The following RTTN variants were observed in gnomAD, a reference collection of about 807,000 sequenced individuals.
The protein encoded by RTTN is rotatin.
A neutral mutation model predicts 269.2 loss-of-function variants in RTTN; 182 were observed. That is an observed-to-expected ratio of 0.68 (90% CI 0.60 to 0.76). RTTN has a LOEUF of 0.76. Ranked by LOEUF, RTTN falls within the 30% of genes least tolerant of loss-of-function variation. The pLI, the probability that RTTN is intolerant of heterozygous loss-of-function variation, is 0.00. For synonymous variants in RTTN, 1,006 were observed against 963.5 expected (o/e 1.04, Z -0.82); for missense variants, 2,545 against 2,608.6 (o/e 0.98, Z 0.53).
chr18:70,039,800 T>G (rs2057286771), intron 40 of RTTN, among the ~76,000 whole-genome samples: 1 of 152,070 alleles, frequency 6.6e-6, no homozygotes, highest in South Asian at 2.1e-4. Flanking sequence ...GAGAAACAAC[T>G]AAAAGTTAAA....
At chr18:70,055,131 A>T (rs568684318) in intron 37 of RTTN, among the ~76,000 whole-genome samples, 1 of 152,324 alleles carries the variant, frequency 6.6e-6, no homozygotes, top group Non-Finnish European at 1.5e-5. Context: ...TGATGCTAAT[A>T]TTGTTAAGTA....
chr18:70,065,768 C>T, intron 35 of RTTN, 61 bp downstream of exon 35: 1 of 1,094,416 alleles, frequency 9.1e-7, no homozygotes, highest in Non-Finnish European at 1.3e-6. Flanking sequence ...TTCAAAATAT[C>T]TGTCTGGACC....
At chr18:70,128,870 G>A (rs757798007) in intron 23 of RTTN, 74 of 208,768 alleles carry the variant, frequency 3.5e-4, no homozygotes, top group Non-Finnish European at 6.5e-4. Context: ...AAGGTGTTCA[G>A]CTAAAACACT....
At position 70,139,726 on chromosome 18, in the gene RTTN, G is replaced by A. The variant is rs779369629; in HGVS notation, c.2671-10C>T. On this transcript the variant is annotated splice_polypyrimidine_tract_variant and intron_variant, in intron 20 of 48. Transcript: ENST00000640769. Reference sequence around the variant, plus strand: ...CCAAACATTCTACAACCTGGGCCAGGAGGAAAAACACAGCTTTTCATTTTC... The same window carrying A: ...CCAAACATTCTACAACCTGGGCCAGAAGGAAAAACACAGCTTTTCATTTTC... 1 of 1,521,294 alleles carries A rather than the reference G, an allele frequency of 6.6e-7. No homozygotes were observed. The highest frequency in any genetic ancestry group is 9.1e-7 in the Non-Finnish European group (1 of 1,097,964). 94.2% of individuals were successfully genotyped at this position (1,521,294 alleles called of 1,614,324 possible). A position where few individuals can be genotyped will look rare whatever the true frequency, so the allele number is the denominator to read the frequency against.
At chr18:70,030,724 C>A in intron 41 of RTTN, 152 bp downstream of exon 41, 1 of 525,120 alleles carries the variant, frequency 1.9e-6, no homozygotes, top group Non-Finnish European at 3.3e-6. Flanking sequence ...ATATTTACTG[C>A]TTCTGTATGG....
Position 70,169,011 on chromosome 18 carries a change from G to A in RTTN, c.1533C>T (p.Asp511=), listed in dbSNP as rs767286932. Residue 511 remains aspartate (D), a synonymous_variant, in exon 12 of 49, where the codon GAC becomes GAT. Transcript: ENST00000640769. ...MSTALFLLSL[D]MPISLEYPNI... ...TTGGATATTCCAAAGAAATAGGCAT[G>A]TCCAAAGAAAGGAGAAATAATGCTG... 2 of 1,612,732 alleles carry A rather than the reference G, an allele frequency of 1.2e-6. No homozygotes were observed. Among genetic ancestry groups the A allele is most frequent in the Admixed American group, 1.7e-5 (1 of 59,978 alleles).
At chr18:70,056,382 C>A (rs982342665) in intron 37 of RTTN, among the ~76,000 whole-genome samples, 1 of 152,192 alleles carries the variant, frequency 6.6e-6, no homozygotes, top group African/African-American at 2.4e-5. Context: ...GGGCCTCAGG[C>A]ATTTCCTTTA....
Position 70,205,302 on chromosome 18 carries a change from G to A in RTTN, c.45C>T (p.Ala15=), listed in dbSNP as rs745355363. The change falls in exon 2 of 49, where the codon GCC becomes GCT. Residue 15 remains alanine, a synonymous_variant. Transcript: ENST00000640769. ...GLIRKLGHQL[A]EIRERALKSI... ...TCTTGAGAGCGCGCTCCCTGATCTC[G>A]GCCAGCTGATGACCTGTCAACGAAC... 63 of 1,614,004 alleles carry A rather than the reference G, an allele frequency of 3.9e-5. No homozygotes were observed. The highest frequency in any genetic ancestry group is 4.9e-5 in the Non-Finnish European group (58 of 1,180,024).
rs142118625 is a variant in RTTN at position 70,009,202 on chromosome 18, C to A, written c.6422-2718G>T. Among the ~76,000 whole-genome samples the A allele has an allele frequency of 9.4e-4, 142 of 151,182 alleles. 1 individual carries two copies. The highest frequency in any genetic ancestry group is 3.4e-3 in the Middle Eastern group (1 of 294). ...CAGGTTTGGAGTGCAGTGGTGAGATCTCGGCTCACTGCAACCTCCGCCTAC... is the reference window on the plus strand; with the variant it reads ...CAGGTTTGGAGTGCAGTGGTGAGATATCGGCTCACTGCAACCTCCGCCTAC... On this transcript the variant is annotated intron_variant, in intron 46 of 48. Coordinates refer to ENST00000640769, the MANE Select transcript of RTTN (RefSeq NM_173630.4).
intron 32 of RTTN, among the ~76,000 whole-genome samples, chr18:70,083,923 A>G (rs2058635661): frequency 6.7e-6 from 1 of 149,896 alleles, no homozygotes; most frequent in Admixed American, 6.7e-5. Context: ...TTTTTTAAGT[A>G]CATACAGAAA....
intron 26 of RTTN, among the ~76,000 whole-genome samples, chr18:70,117,544 A>T (rs747883228): frequency 1.2e-4 from 19 of 152,060 alleles, no homozygotes; most frequent in Admixed American, 3.3e-4. Context: ...TTCCGAAGAA[A>T]GGTTTAATAC....
At position 70,031,493 on chromosome 18, in the gene RTTN, A is replaced by T. The variant is rs532269680; in HGVS notation, c.5542-512T>A. On this transcript the variant is annotated intron_variant, in intron 40 of 48. Transcript: ENST00000640769. ...CTGTCATATAACATTTTCTCAAAAA[A>T]TAGTGTGTAACTTTTTTGACTTTCA... is the stretch of plus-strand genomic sequence containing the variant. 1.5e-4 allele frequency: 59 copies of T among 396,804 alleles called. 1 individual carries two copies. In the East Asian group the frequency reaches 2.1e-3, roughly 14 times the overall value. The allele number at this position is 396,804 out of a possible 1,614,324, so 24.6% of individuals were successfully genotyped here.
intron 4 of RTTN, 40 bp downstream of exon 4, chr18:70,201,854 T>A: frequency 7.9e-7 from 1 of 1,267,752 alleles, no homozygotes; most frequent in Non-Finnish European, 1.1e-6. Flanking sequence ...AATTTTCAAC[T>A]TCCCAAGTCA....
At chr18:70,106,450 A>C (rs2059323735) in intron 28 of RTTN, among the ~76,000 whole-genome samples, 1 of 152,252 alleles carries the variant, frequency 6.6e-6, no homozygotes, top group Non-Finnish European at 1.5e-5. Context: ...AGTATTAGGT[A>C]AGTATCCAAC....
rs770207710 is a variant in RTTN at position 70,005,247 on chromosome 18, G to T, written c.6546C>A (p.Ser2182Arg). ...NYQKAKTALK[S>R]PSVKRRVDEA... Reference sequence around the variant, plus strand: ...CATCCACTCTTCTTTTTACTGATGGGCTTTTCAAAGCTGTTTTTGCCTAGA... The same window carrying T: ...CATCCACTCTTCTTTTTACTGATGGTCTTTTCAAAGCTGTTTTTGCCTAGA... Residue 2182 changes from serine to arginine, a missense_variant, in exon 48 of 49, where the codon AGC (serine) becomes AGA (arginine). Coordinates refer to ENST00000640769, the MANE Select transcript of RTTN (RefSeq NM_173630.4). The T allele has an allele frequency of 6.2e-7, 1 of 1,612,174 alleles. No homozygotes were observed. Among genetic ancestry groups the T allele is most frequent in the South Asian group, 1.1e-5 (1 of 90,854 alleles).
chr18:70,183,643 T>C (rs2614224), intron 10 of RTTN, among the ~76,000 whole-genome samples: 7 of 152,166 alleles, frequency 4.6e-5, no homozygotes, highest in Non-Finnish European at 8.8e-5. Flanking sequence ...TTTGTTGTGG[T>C]GAGCTGTTCT....
chr18:70,156,572 C>T (rs185042244), intron 14 of RTTN, among the ~76,000 whole-genome samples: 3 of 152,238 alleles, frequency 2.0e-5, no homozygotes, highest in Non-Finnish European at 4.4e-5. Flanking sequence ...GACCCACACC[C>T]TATTTGTACA....
At chr18:70,126,542 A>G (rs979236344) in intron 25 of RTTN, among the ~76,000 whole-genome samples, 2 of 152,170 alleles carry the variant, frequency 1.3e-5, no homozygotes, top group African/African-American at 2.4e-5. Flanking sequence ...TCCATAAAAT[A>G]CATACCCCTG....
chr18:70,194,582 A>T (rs1223298801), intron 7 of RTTN: 1 of 152,268 alleles, frequency 6.6e-6, no homozygotes, highest in Non-Finnish European at 1.5e-5. Flanking sequence ...GCATAGATGA[A>T]TAAAATGTGG....
Sources: gnomAD v4.1 joint callset for allele counts (sites outside exome capture counted in the v4.1 genomes callset) on GRCh38, gnomAD v4.1.1 for gene constraint, MANE v1.5 for transcripts, NCBI Gene and HGNC (gene_info 2026-07-23, HGNC 2026-07-21) for gene names.